The following NOSTRIN variants were observed in gnomAD, a reference collection of about 807,000 sequenced individuals.
The protein encoded by NOSTRIN is nitric oxide synthase trafficking.
A neutral mutation model predicts 59.0 loss-of-function variants in NOSTRIN; 63 were observed. The ratio of observed to expected loss-of-function variants is 1.07; its 90% confidence interval spans 0.87 to 1.32. The LOEUF is 1.32. Among genes scored for constraint, NOSTRIN ranks in the 40% most tolerant of loss-of-function variants. NOSTRIN has a pLI of 0.00. For missense variants in NOSTRIN, 512 were observed against 473.1 expected (o/e 1.08, Z -0.76); for synonymous variants, 200 against 165.4 (o/e 1.21, Z -1.61).
upstream of NOSTRIN, among the ~76,000 whole-genome samples, chr2:168,801,916 C>T (rs1052027670): frequency 6.6e-5 from 10 of 152,058 alleles, no homozygotes; most frequent in South Asian, 2.1e-4. Context: ...GGGGCTGGAG[C>T]GAGTGTGGAG....
intron 2 of NOSTRIN, among the ~76,000 whole-genome samples, chr2:168,789,838 G>A: frequency 6.6e-6 from 1 of 152,164 alleles, no homozygotes; most frequent in East Asian, 1.9e-4. Context: ...GAAGCTTTCT[G>A]AACCATTCTG....
chr2:168,794,453 A>C (rs897166857), upstream of NOSTRIN, among the ~76,000 whole-genome samples: 1 of 150,490 alleles, frequency 6.6e-6, no homozygotes, highest in Non-Finnish European at 1.5e-5. Context: ...CCAGGTTCGC[A>C]CCATTCTCCT....
intron 2 of NOSTRIN, among the ~76,000 whole-genome samples, chr2:168,791,629 T>A (rs1452235420): frequency 6.6e-6 from 1 of 152,204 alleles, no homozygotes; most frequent in Non-Finnish European, 1.5e-5. Flanking sequence ...GTGTTCCTAT[T>A]TCTCCACATC....
rs148004065 is a variant in NOSTRIN at position 168,860,396 on chromosome 2, C to T, written c.1180-399C>T. On this transcript the variant is annotated intron_variant, in intron 13 of 15. Coordinates refer to ENST00000317647, the MANE Select transcript of NOSTRIN (RefSeq NM_001039724.4). The stretch of plus-strand genomic sequence containing the variant: ...TCAGTTTAAAAACTTCCAGTCCAGG[C>T]GCAGTGGCTCATGCCTGTAATCCCA... Among the ~76,000 whole-genome samples, 149 of 152,286 alleles carry T rather than the reference C, an allele frequency of 9.8e-4. No individual in the cohort carries two copies. The East Asian group carries it at 0.023, about 23-fold the overall frequency.
In NOSTRIN at chr2:168,831,507, C is replaced by A. The variant is rs749704321; in HGVS notation, c.378C>A (p.Val126=). 3.5e-6 allele frequency: 3 copies of A among 865,676 alleles called. No homozygotes were observed. The South Asian group carries it at 3.9e-5, about 11-fold the overall frequency. 53.6% of individuals were successfully genotyped at this position (865,676 alleles called of 1,614,324 possible). The change falls in exon 6 of 16, where the codon GTC becomes GTA. Residue 126 remains valine, a synonymous_variant. Coordinates refer to ENST00000317647, the MANE Select transcript of NOSTRIN (RefSeq NM_001039724.4). ...AAGTTGAAAAGACAGCAAATCTTGT[C>A]ATTAGCAACTGGAATCAGCAAATTA... ...DNEVEKTANL[V]ISNWNQQIKA...
intron 2 of NOSTRIN, among the ~76,000 whole-genome samples, chr2:168,792,337 A>T (rs1469602913): frequency 6.6e-6 from 1 of 152,102 alleles, no homozygotes; most frequent in East Asian, 1.9e-4. Context: ...TGCATTAAAT[A>T]AAACTTCTTG....
intron 8 of NOSTRIN, among the ~76,000 whole-genome samples, chr2:168,849,547 G>C (rs955496403): frequency 1.3e-5 from 2 of 151,718 alleles, no homozygotes; most frequent in Non-Finnish European, 2.9e-5. Context: ...GTAGAGACGG[G>C]GTTTTGCCAC....
At position 168,849,372 on chromosome 2, in the gene NOSTRIN, T is replaced by C. The variant is rs559891737; in HGVS notation, c.631-1712T>C. Among the ~76,000 whole-genome samples the C allele has an allele frequency of 2.6e-5, 4 of 152,252 alleles. No homozygotes were observed. In the East Asian group the frequency reaches 7.7e-4, roughly 29 times the overall value. On this transcript the variant is annotated intron_variant, in intron 8 of 15. Coordinates refer to ENST00000317647, the MANE Select transcript of NOSTRIN (RefSeq NM_001039724.4). ...CTTTCTCTTTCTTCTTTTCTTTTTT[T>C]TGAGATGGAATCTCACTCTTTTGCA...
chr2:168,817,423 C>T (rs1358600485), intron 2 of NOSTRIN, among the ~76,000 whole-genome samples: 1 of 152,244 alleles, frequency 6.6e-6, no homozygotes, highest in Non-Finnish European at 1.5e-5. Context: ...GTTAAGTGGG[C>T]AGGGCTCTGC....
At chr2:168,857,840 T>C (rs2632380) in intron 12 of NOSTRIN, among the ~76,000 whole-genome samples, 76,832 of 151,958 alleles carry the variant, frequency 0.51, 19,554 homozygotes, top group South Asian at 0.66. Flanking sequence ...AGATTGGCAA[T>C]TTCAATAGTT....
chr2:168,839,865 G>A (rs1191534553), intron 7 of NOSTRIN, among the ~76,000 whole-genome samples: 1 of 111,224 alleles, frequency 9.0e-6, no homozygotes, highest in South Asian at 3.1e-4. Flanking sequence ...CAGCCTGGCC[G>A]ACCAGAGAGA....
Position 168,846,850 on chromosome 2 carries a change from T to G in NOSTRIN, c.630+3733T>G, listed in dbSNP as rs186400102. On this transcript the variant is annotated intron_variant, in intron 8 of 15. Transcript: ENST00000317647. The stretch of plus-strand genomic sequence containing the variant: ...TCTCAGTTCTCCCAAGGATGGCACT[T>G]GAGTAGTCCCACTCTAGATGAGACG... Among the ~76,000 whole-genome samples the G allele has an allele frequency of 2.0e-5, 3 of 152,330 alleles. No individual in the cohort carries two copies. In the East Asian group the frequency reaches 5.8e-4, roughly 29 times the overall value.
At position 168,839,416 on chromosome 2, in the gene NOSTRIN, G is replaced by C. The variant is rs1216008694; in HGVS notation, c.505-3576G>C. 2.0e-5 allele frequency among the ~76,000 whole-genome samples: 3 copies of C among 152,246 alleles called. No individual in the cohort carries two copies. The East Asian group carries it at 5.8e-4, about 29-fold the overall frequency. On this transcript the variant is annotated intron_variant, in intron 7 of 15. Transcript: ENST00000317647. ...TCAGCACACAAGATGGTAATGGTCT[G>C]TGGGTCCCTGACTAGAGAGGGAGCC... is the stretch of plus-strand genomic sequence containing the variant.
intron 8 of NOSTRIN, among the ~76,000 whole-genome samples, chr2:168,849,445 TC>T (rs1688617245): frequency 6.6e-6 from 1 of 151,916 alleles, no homozygotes; most frequent in African/African-American, 2.4e-5. Flanking sequence ...AACCACCACC[TC>T]CCAGGTCCAA....
chr2:168,787,492 G>A (rs1305434832), intron 1 of NOSTRIN, among the ~76,000 whole-genome samples: 2 of 152,192 alleles, frequency 1.3e-5, no homozygotes, highest in Non-Finnish European at 2.9e-5. Context: ...GGAATTTGGT[G>A]CTCTTCCTTG....
chr2:168,833,705 G>A lies in NOSTRIN; in HGVS notation c.406-522G>A, dbSNP rs78659627. ...TTCTACTTCTCCAACTCCAGCAAGT[G>A]CAGGGCATTTCACAAGATGCCAGAC... is the stretch of plus-strand genomic sequence containing the variant. On this transcript the variant is annotated intron_variant, in intron 6 of 15. Transcript: ENST00000317647. Among the ~76,000 whole-genome samples, 1,493 of 152,300 alleles carry A rather than the reference G, an allele frequency of 9.8e-3. 33 individuals carry two copies. The highest frequency in any genetic ancestry group is 0.033 in the African/African-American group (1,391 of 41,554).
chr2:168,823,732 G>T (rs1299881034), intron 2 of NOSTRIN, among the ~76,000 whole-genome samples: 2 of 152,088 alleles, frequency 1.3e-5, no homozygotes, highest in African/African-American at 4.8e-5. Context: ...ACTTCTTCTT[G>T]GGAGACACAA....
At chr2:168,840,391 G>T (rs1167017179) in intron 7 of NOSTRIN, among the ~76,000 whole-genome samples, 1 of 151,912 alleles carries the variant, frequency 6.6e-6, no homozygotes, top group Non-Finnish European at 1.5e-5. Flanking sequence ...TTAGCCGGGC[G>T]TGGTGGCAGG....
chr2:168,820,374 G>A (rs498488), intron 2 of NOSTRIN, among the ~76,000 whole-genome samples: 11,285 of 152,178 alleles, frequency 0.074, 510 homozygotes, highest in Admixed American at 0.11. Flanking sequence ...CCAGAATGAC[G>A]CCTGGCACGT....
Sources: allele counts gnomAD v4.1 joint callset (sites outside exome capture counted in the v4.1 genomes callset), GRCh38; gene constraint gnomAD v4.1.1; transcripts MANE v1.5; gene names NCBI Gene and HGNC (gene_info 2026-07-23, HGNC 2026-07-21).